Variants in ATRNL1 observed in about 807,000 individuals in gnomAD.
ATRNL1 encodes the protein attractin like 1.
ATRNL1 carries 95 observed loss-of-function variants against 182.7 expected under a neutral mutation model. The observed-to-expected ratio is 0.52, with a 90% CI of 0.44 to 0.62. The LOEUF (loss-of-function observed/expected upper bound fraction) is 0.62. Ranked by LOEUF, ATRNL1 falls within the 20% of genes least tolerant of loss-of-function variation. The probability of loss-of-function intolerance (pLI) is 0.00; values close to 1 mark genes in which losing one functional copy is unlikely to be tolerated. For synonymous variants in ATRNL1, 576 were observed against 568.3 expected, an observed-to-expected ratio of 1.01 and a Z score of -0.19; for missense variants, 1,471 against 1,679.5, an observed-to-expected ratio of 0.88 and a Z score of 2.17.
At chr10:115,436,808 C>G (rs1335150651) in intron 21 of ATRNL1, among the ~76,000 whole-genome samples, 1 of 152,058 alleles carries the variant, frequency 6.6e-6, no homozygotes, top group African/African-American at 2.4e-5. Flanking sequence ...TGACTAGCTA[C>G]TTTGTTAGAC....
chr10:115,300,500 TA>T (rs1554924154), intron 16 of ATRNL1, among the ~76,000 whole-genome samples: 1 of 152,210 alleles, frequency 6.6e-6, no homozygotes. Flanking sequence ...GACAATAATC[TA>T]TTCTTAATTC....
chr10:115,598,458 G>C (rs1282487503), intron 26 of ATRNL1, among the ~76,000 whole-genome samples: 1 of 151,316 alleles, frequency 6.6e-6, no homozygotes, highest in Non-Finnish European at 1.5e-5. Flanking sequence ...CCGCCTCCCA[G>C]GTTGAAGCAA....
chr10:115,232,948 A>G (rs573262744), intron 9 of ATRNL1, among the ~76,000 whole-genome samples: 5 of 152,140 alleles, frequency 3.3e-5, no homozygotes, highest in Admixed American at 6.6e-5. Context: ...CTGGTGGCTA[A>G]AAGTCTGAAA....
At chr10:115,469,673 G>C (rs1389059322) in intron 24 of ATRNL1, among the ~76,000 whole-genome samples, 1 of 150,556 alleles carries the variant, frequency 6.6e-6, no homozygotes, top group African/African-American at 2.4e-5. Context: ...TTTTCCGTTT[G>C]AGTAGTCTTA....
At chr10:115,265,774 A>G (rs1851584150) in intron 11 of ATRNL1, among the ~76,000 whole-genome samples, 1 of 151,828 alleles carries the variant, frequency 6.6e-6, no homozygotes, top group Non-Finnish European at 1.5e-5. Context: ...AATGGTCATT[A>G]CATTGCCTTC....
chr10:115,777,570 TAA>T (rs1446335215), intron 27 of ATRNL1, among the ~76,000 whole-genome samples: 2 of 152,300 alleles, frequency 1.3e-5, no homozygotes, highest in East Asian at 3.9e-4. Flanking sequence ...TATTTTAAGA[TAA>T]GTTTTACTAA....
intron 27 of ATRNL1, among the ~76,000 whole-genome samples, chr10:115,782,828 T>C (rs1229131014): frequency 1.3e-5 from 2 of 152,210 alleles, no homozygotes; most frequent in African/African-American, 2.4e-5. Flanking sequence ...AAAGGGTTTC[T>C]AGGAGCTTAC....
At chr10:115,487,398 G>A (rs1181214786) in intron 24 of ATRNL1, among the ~76,000 whole-genome samples, 1 of 152,070 alleles carries the variant, frequency 6.6e-6, no homozygotes, top group African/African-American at 2.4e-5. Context: ...CCATTTGTTT[G>A]TGTCCTGTCT....
intron 25 of ATRNL1, among the ~76,000 whole-genome samples, chr10:115,549,184 AGACCAATGTAATTATAAAT>A (rs1852829504): frequency 6.6e-6 from 1 of 152,064 alleles, no homozygotes; most frequent in Non-Finnish European, 1.5e-5. Context: ...TTGCTTCATA[AGACCAATGTAATTATAAAT>A]TTACATTCCT....
chr10:115,753,740 G>A (rs1948511767), intron 27 of ATRNL1, among the ~76,000 whole-genome samples: 1 of 152,114 alleles, frequency 6.6e-6, no homozygotes, highest in Non-Finnish European at 1.5e-5. Flanking sequence ...AGATCCTTGA[G>A]GAATCACCAC....
chr10:115,350,075 C>T (rs981136378), intron 19 of ATRNL1, among the ~76,000 whole-genome samples: 5 of 151,978 alleles, frequency 3.3e-5, no homozygotes, highest in South Asian at 2.1e-4. Context: ...CAATGGCTCA[C>T]GCCTGTAATC....
At chr10:115,290,186 A>T (rs1455174375) in intron 15 of ATRNL1, among the ~76,000 whole-genome samples, 1 of 152,022 alleles carries the variant, frequency 6.6e-6, no homozygotes, top group East Asian at 1.9e-4. Context: ...TGTGTATAGA[A>T]GTGCTACCGA....
At chr10:115,558,650 T>A (rs1853472034) in intron 26 of ATRNL1, among the ~76,000 whole-genome samples, 1 of 152,178 alleles carries the variant, frequency 6.6e-6, no homozygotes. Context: ...CTAGGCGTTT[T>A]CCTTTTGATC....
intron 19 of ATRNL1, among the ~76,000 whole-genome samples, chr10:115,339,545 T>C (rs893253091): frequency 1.3e-5 from 2 of 152,216 alleles, no homozygotes; most frequent in African/African-American, 4.8e-5. Context: ...TACTGATTTT[T>C]GTATGTTGAT....
chr10:115,105,940 A>G (rs563291877), intron 1 of ATRNL1, among the ~76,000 whole-genome samples: 1 of 152,156 alleles, frequency 6.6e-6, no homozygotes, highest in Non-Finnish European at 1.5e-5. Context: ...CAGAGTCCCT[A>G]CTGGAACATT....
chr10:115,651,756 C>T (rs1860020428), intron 26 of ATRNL1, among the ~76,000 whole-genome samples: 1 of 152,094 alleles, frequency 6.6e-6, no homozygotes, highest in Non-Finnish European at 1.5e-5. Flanking sequence ...TAAGAAGATG[C>T]AATGATACCT....
intron 28 of ATRNL1, among the ~76,000 whole-genome samples, chr10:115,911,901 TCTGC>T (rs1808435384): frequency 1.3e-5 from 2 of 152,222 alleles, no homozygotes; most frequent in African/African-American, 4.8e-5. Flanking sequence ...CCTTGTTTCA[TCTGC>T]CTATTATTTC....
intron 20 of ATRNL1, among the ~76,000 whole-genome samples, chr10:115,423,986 A>G (rs1210490254): frequency 2.0e-5 from 3 of 152,230 alleles, no homozygotes; most frequent in Non-Finnish European, 4.4e-5. Context: ...CAGCAGAGCA[A>G]AGAGACAACC....
At chr10:115,674,008 ACTG>A (rs1945782932) in intron 26 of ATRNL1, among the ~76,000 whole-genome samples, 1 of 152,034 alleles carries the variant, frequency 6.6e-6, no homozygotes, top group African/African-American at 2.4e-5. Flanking sequence ...AATACATCCA[ACTG>A]GGCCCAGCCT....
Sources: allele counts gnomAD v4.1 joint callset (sites outside exome capture counted in the v4.1 genomes callset), GRCh38; gene constraint gnomAD v4.1.1; transcripts MANE v1.5; gene names NCBI Gene and HGNC (gene_info 2026-07-23, HGNC 2026-07-21).